Variants in UNC5C observed in about 807,000 individuals in gnomAD.
UNC5C encodes unc-5 netrin receptor C, also known as netrin receptor UNC5C.
A neutral mutation model predicts 99.8 loss-of-function variants in UNC5C; 47 were observed. The ratio of observed to expected loss-of-function variants is 0.47; its 90% CI spans 0.37 to 0.60. UNC5C has a LOEUF of 0.60. UNC5C is among the 20% of genes least tolerant of loss of function. The probability of loss-of-function intolerance (pLI) is 0.00; values close to 1 mark genes in which losing one functional copy is unlikely to be tolerated. For missense variants in UNC5C, 1,062 were observed against 1,165.9 expected, an observed-to-expected ratio of 0.91 and a Z score of 1.30; for synonymous variants, 487 against 452.2, an observed-to-expected ratio of 1.08 and a Z score of -0.98.
chr4:95,190,620 C>G (rs1202611561), intron 12 of UNC5C, among the ~76,000 whole-genome samples: 2 of 152,256 alleles, frequency 1.3e-5, no homozygotes, highest in East Asian at 3.9e-4. Context: ...GCCCAGCCCC[C>G]CTTGTACAGT....
At position 95,182,337 on chromosome 4, in the gene UNC5C, ATC is replaced by A. The variant is rs199957275; in HGVS notation, c.2451+558_2451+559del. On this transcript the variant is annotated intron_variant, in intron 14 of 15. Coordinates refer to ENST00000453304, the MANE Select transcript of UNC5C (RefSeq NM_003728.4). Reference sequence around the variant, plus strand: ...TTTCCCCCATCCCGGAGGAAAGTGTATCTCTCTTTATATTTAGAGAATGATAG... The same window carrying A: ...TTTCCCCCATCCCGGAGGAAAGTGTATCTCTTTATATTTAGAGAATGATAG... Among the ~76,000 whole-genome samples the A allele has an allele frequency of 1.3e-3, 191 of 152,286 alleles. 2 individuals carry two copies. In the East Asian group the frequency reaches 0.024, roughly 19 times the overall value.
chr4:95,456,680 G>A (rs1747435489), intron 1 of UNC5C, among the ~76,000 whole-genome samples: 1 of 152,112 alleles, frequency 6.6e-6, no homozygotes, highest in Admixed American at 6.6e-5. Flanking sequence ...TGTCTGGGAA[G>A]TTGAAGAAGG....
At chr4:95,425,699 G>T (rs1463504748) in intron 1 of UNC5C, among the ~76,000 whole-genome samples, 1 of 152,114 alleles carries the variant, frequency 6.6e-6, no homozygotes, top group Non-Finnish European at 1.5e-5. Flanking sequence ...AAAACATAAA[G>T]CGTATAATTT....
chr4:95,477,168 A>G (rs1748175045), intron 1 of UNC5C, among the ~76,000 whole-genome samples: 1 of 152,056 alleles, frequency 6.6e-6, no homozygotes, highest in South Asian at 2.1e-4. Context: ...GATTTTGCCT[A>G]CTGGCTATGA....
Position 95,183,090 on chromosome 4 carries a change from T to C in UNC5C, c.2287-29A>G, listed in dbSNP as rs371118252. ...AAGGATATGAAAGTGTTAACCACAATTGAAGGACTAATACCAAAAATAACT... is the reference window on the plus strand; with the variant it reads ...AAGGATATGAAAGTGTTAACCACAACTGAAGGACTAATACCAAAAATAACT... On this transcript the variant is annotated intron_variant, in intron 13 of 15. Transcript: ENST00000453304. The C allele has an allele frequency of 6.6e-5, 104 of 1,582,628 alleles. No individual in the cohort carries two copies. The African/African-American group carries it at 1.2e-3, about 19-fold the overall frequency.
intron 1 of UNC5C, among the ~76,000 whole-genome samples, chr4:95,344,289 A>C (rs545449052): frequency 7.2e-5 from 11 of 152,236 alleles, no homozygotes; most frequent in Non-Finnish European, 1.5e-4. Flanking sequence ...GTGGCCTGCC[A>C]TATTTAAAGT....
At chr4:95,266,887 T>G (rs1255340386) in intron 4 of UNC5C, among the ~76,000 whole-genome samples, 1 of 152,188 alleles carries the variant, frequency 6.6e-6, no homozygotes, top group Admixed American at 6.5e-5. Flanking sequence ...ATGGGATAAG[T>G]TATAATCCAG....
intron 4 of UNC5C, among the ~76,000 whole-genome samples, chr4:95,263,099 G>A (rs1740307787): frequency 6.6e-6 from 1 of 152,160 alleles, no homozygotes; most frequent in Non-Finnish European, 1.5e-5. Context: ...ACAGGTGTGA[G>A]CCATTGTGCC....
rs1722174986 is a variant in UNC5C at position 95,514,925 on chromosome 4, G to C, written c.124+33809C>G. On this transcript the variant is annotated intron_variant, in intron 1 of 15. Transcript: ENST00000453304. ...CTGACCTTGTGATCCACCTGCCTCA[G>C]CCTCCCAAAGTGCTGGGATTACAGC... Among the ~76,000 whole-genome samples, 18 of 152,068 alleles carry C rather than the reference G, an allele frequency of 1.2e-4. 1 individual carries two copies. In the South Asian group the frequency reaches 3.7e-3, roughly 32 times the overall value.
intron 4 of UNC5C, among the ~76,000 whole-genome samples, chr4:95,273,774 T>C (rs1315250567): frequency 6.6e-6 from 1 of 152,166 alleles, no homozygotes; most frequent in Admixed American, 6.5e-5. Flanking sequence ...ACCTCCCTTA[T>C]AGTCCTGGAA....
intron 1 of UNC5C, among the ~76,000 whole-genome samples, chr4:95,408,216 T>G (rs1040161167): frequency 6.6e-6 from 1 of 152,230 alleles, no homozygotes; most frequent in Non-Finnish European, 1.5e-5. Flanking sequence ...TTCATTGTCA[T>G]AGGATATTCA....
intron 1 of UNC5C, among the ~76,000 whole-genome samples, chr4:95,405,572 C>T (rs115809938): frequency 5.3e-5 from 8 of 152,142 alleles, no homozygotes; most frequent in Admixed American, 1.3e-4. Context: ...CTATATTAAG[C>T]GCAAAGAAAA....
intron 3 of UNC5C, among the ~76,000 whole-genome samples, 184 bp downstream of exon 3, chr4:95,301,422 C>G (rs978632332): frequency 1.3e-5 from 2 of 152,076 alleles, no homozygotes; most frequent in East Asian, 3.9e-4. Context: ...GTCTCGATCT[C>G]CTGACCTTGT....
At chr4:95,172,289 G>T (rs1167274153) in intron 14 of UNC5C, among the ~76,000 whole-genome samples, 1 of 151,618 alleles carries the variant, frequency 6.6e-6, no homozygotes, top group Non-Finnish European at 1.5e-5. Flanking sequence ...ATTGCTTTTG[G>T]TGTTTTAGAC....
At chr4:95,209,563 C>A (rs1043290238) in intron 10 of UNC5C, among the ~76,000 whole-genome samples, 3 of 152,084 alleles carry the variant, frequency 2.0e-5, no homozygotes, top group Non-Finnish European at 4.4e-5. Context: ...ATAACAATAC[C>A]CTTTCCTCCA....
intron 1 of UNC5C, among the ~76,000 whole-genome samples, chr4:95,403,398 G>T (rs1032643493): frequency 1.3e-5 from 2 of 152,182 alleles, no homozygotes; most frequent in Non-Finnish European, 2.9e-5. Context: ...TTGGGAACCA[G>T]CTCAGTGTGG....
chr4:95,539,534 T>G (rs1722863661), intron 1 of UNC5C, among the ~76,000 whole-genome samples: 1 of 152,338 alleles, frequency 6.6e-6, no homozygotes, highest in East Asian at 1.9e-4. Context: ...TGAATTTGTT[T>G]TATAAGTTAA....
At chr4:95,442,787 T>C (rs1746988574) in intron 1 of UNC5C, among the ~76,000 whole-genome samples, 1 of 151,432 alleles carries the variant, frequency 6.6e-6, no homozygotes, top group Non-Finnish European at 1.5e-5. Flanking sequence ...ATTTCTTTCC[T>C]AAAAGTCCAT....
intron 1 of UNC5C, among the ~76,000 whole-genome samples, chr4:95,344,577 A>G (rs1454955778): frequency 2.6e-5 from 4 of 152,140 alleles, no homozygotes; most frequent in Admixed American, 1.3e-4. Context: ...TATGTAATCT[A>G]CTCATATTTT....
Sources: allele counts gnomAD v4.1 joint callset (sites outside exome capture counted in the v4.1 genomes callset), GRCh38; gene constraint gnomAD v4.1.1; transcripts MANE v1.5; gene names NCBI Gene and HGNC (gene_info 2026-07-23, HGNC 2026-07-21).